The following RTEL1 variants were observed in gnomAD, a reference collection of about 807,000 sequenced individuals.
The protein encoded by RTEL1 is regulator of telomere length.
In RTEL1, 86 loss-of-function variants were observed where a neutral mutation model predicts 162.2. The observed-to-expected ratio is 0.53, with a 90% CI of 0.45 to 0.63. RTEL1 has a LOEUF of 0.63. Ranked by LOEUF, RTEL1 falls within the 30% of genes least tolerant of loss-of-function variation. The pLI is 0.00. For missense variants in RTEL1, 1,941 were observed against 1,750.2 expected (o/e 1.11, Z -1.95); for synonymous variants, 958 against 717.9 (o/e 1.33, Z -5.35).
In RTEL1 at chr20:63,695,551, C is replaced by G; in HGVS notation, c.3723C>G (p.Gly1241=). The change falls in exon 34 of 35, where the codon GGC becomes GGG. Residue 1241 remains glycine, a synonymous_variant. Transcript: ENST00000360203. ...TGAPGGPLSA[G]CVCQGCGAED... ...CTCCGGGCGGGCCCCTCTCAGCAGG[C>G]TGTGTGTGCCAGGGCTGTGGGGCAG... 6.2e-7 allele frequency: 1 copy of G among 1,612,392 alleles called. No homozygotes were observed. Among genetic ancestry groups the G allele is most frequent in the Non-Finnish European group, 8.5e-7 (1 of 1,179,888 alleles).
intron 14 of RTEL1, among the ~76,000 whole-genome samples, chr20:63,683,380 C>A (rs543134426): frequency 2.7e-4 from 41 of 152,300 alleles, no homozygotes; most frequent in African/African-American, 6.0e-4. Context: ...GGGCCAAATG[C>A]TTTGGTAAAA....
At chr20:63,686,090 G>A in intron 16 of RTEL1, 2 of 592,736 alleles carry the variant, frequency 3.4e-6, no homozygotes, top group Non-Finnish European at 6.0e-6. Context: ...ACCGTGACCT[G>A]CCCAGAGTCA....
Position 63,659,230 on chromosome 20 carries a change from C to T in RTEL1, c.-170-3C>T. On this transcript the variant is annotated splice_region_variant and splice_polypyrimidine_tract_variant and intron_variant, in intron 1 of 34. Coordinates refer to ENST00000360203, the MANE Select transcript of RTEL1 (RefSeq NM_001283009.2). ...ACAAACAGAGTCTTACTGTCTTTCC[C>T]AGGTCTGTGCCATAGGGATTCTCGA... is the stretch of plus-strand genomic sequence containing the variant. 1.6e-6 allele frequency: 1 copy of T among 626,402 alleles called. No homozygotes were observed. The highest frequency in any genetic ancestry group is 2.9e-6 in the Non-Finnish European group (1 of 341,862). 38.8% of individuals were successfully genotyped at this position (626,402 alleles called of 1,614,324 possible).
At chr20:63,688,487 C>T (rs377433741) in intron 20 of RTEL1, 41 bp from the exon 21 acceptor site, 271 of 1,605,560 alleles carry the variant, frequency 1.7e-4, no homozygotes, top group Non-Finnish European at 2.0e-4. Flanking sequence ...GGATCGGCGG[C>T]GTGACCAGGG....
chr20:63,695,708 G>A (rs2090962981), intron 34 of RTEL1, 58 bp downstream of exon 34: 26 of 1,606,604 alleles, frequency 1.6e-5, no homozygotes, highest in East Asian at 4.5e-5. Context: ...TGGGCTGAGG[G>A]GGAAAGGGCA....
chr20:63,693,413 G>C (rs1428819819), intron 30 of RTEL1, 130 bp downstream of exon 30: 2 of 1,076,854 alleles, frequency 1.9e-6, no homozygotes, highest in African/African-American at 1.6e-5. Context: ...CTATGGGAGT[G>C]ATGGGGGCCT....
intron 6 of RTEL1, among the ~76,000 whole-genome samples, chr20:63,663,525 G>A (rs1176228368): frequency 6.6e-6 from 1 of 152,246 alleles, no homozygotes; most frequent in Non-Finnish European, 1.5e-5. Flanking sequence ...AGGGCCGGGG[G>A]TGCTTCTCCA....
chr20:63,693,732 T>A (rs62217793), intron 30 of RTEL1, among the ~76,000 whole-genome samples: 172 of 1,060 alleles, frequency 0.16, 13 homozygotes, highest in Middle Eastern at 0.5. Context: ...CACCACCACC[T>A]CCACCTCCAC....
intron 10 of RTEL1, 62 bp downstream of exon 10, chr20:63,674,155 C>G: frequency 1.3e-6 from 2 of 1,541,578 alleles, no homozygotes; most frequent in Non-Finnish European, 1.8e-6. Flanking sequence ...GAGCCCCACC[C>G]GGAGTTCAGC....
At chr20:63,671,147 G>A (rs1249507667) in intron 8 of RTEL1, among the ~76,000 whole-genome samples, 3 of 152,140 alleles carry the variant, frequency 2.0e-5, no homozygotes, top group Non-Finnish European at 4.4e-5. Flanking sequence ...TGCAGCTTCC[G>A]CCTCTTGGGT....
rs6011012 is a variant in RTEL1 at position 63,668,542 on chromosome 20, G to A, written c.699+989G>A. 0.01 allele frequency among the ~76,000 whole-genome samples: 1,569 copies of A among 152,294 alleles called. 19 individuals are homozygous for A. The highest frequency in any genetic ancestry group is 0.036 in the African/African-American group (1,498 of 41,528). On this transcript the variant is annotated intron_variant, in intron 8 of 34. Coordinates refer to ENST00000360203, the MANE Select transcript of RTEL1 (RefSeq NM_001283009.2). The surrounding 1 kb of genome is among the most constrained non-coding windows in gnomAD (Gnocchi z 4.3). ...CAAGTGCGATGTCGGCGGGAGGTGG[G>A]GAATGCTGGTGGGTCTGAGGGGAGC...
chr20:63,683,613 G>A (rs1257327956), intron 14 of RTEL1, among the ~76,000 whole-genome samples: 2 of 152,182 alleles, frequency 1.3e-5, no homozygotes, highest in African/African-American at 4.8e-5. Context: ...CGGCTTCTCC[G>A]CATTTCTGTG....
At chr20:63,687,463 TCA>T (rs2090622424) in intron 16 of RTEL1, 173 bp from the exon 17 acceptor site, 1 of 730,824 alleles carries the variant, frequency 1.4e-6, no homozygotes, top group Non-Finnish European at 2.1e-6. Flanking sequence ...GCTGGCAGGC[TCA>T]CACTCAGGGC....
intron 28 of RTEL1, 21 bp downstream of exon 28, chr20:63,691,858 C>T (rs778177574): frequency 4.4e-6 from 7 of 1,592,654 alleles, no homozygotes; most frequent in Non-Finnish European, 6.0e-6. Context: ...TGTCCCTGCA[C>T]CTGTGCCGAC....
intron 8 of RTEL1, among the ~76,000 whole-genome samples, chr20:63,671,416 G>A (rs2090238971): frequency 6.6e-6 from 1 of 152,120 alleles, no homozygotes; most frequent in African/African-American, 2.4e-5. Flanking sequence ...GGCAGGGGTG[G>A]GGCTGGTGGT....
intron 31 of RTEL1, 83 bp downstream of exon 31, chr20:63,694,571 G>C: frequency 2.3e-6 from 3 of 1,316,852 alleles, no homozygotes; most frequent in Non-Finnish European, 3.2e-6. Context: ...GAGTGTGGCC[G>C]GGGCTGCCCC....
At chr20:63,681,373 A>G (rs1315230037) in intron 14 of RTEL1, 1 of 985,116 alleles carries the variant, frequency 1.0e-6, no homozygotes, top group Non-Finnish European at 1.2e-6. Context: ...CTTTTTTAGA[A>G]GCAGACTCAG....
Position 63,660,902 on chromosome 20 carries a change from G to A in RTEL1, c.103-396G>A, listed in dbSNP as rs113303667. 959 of 206,524 alleles carry A rather than the reference G, an allele frequency of 4.6e-3. 5 individuals carry two copies. Among genetic ancestry groups the A allele is most frequent in the Middle Eastern group, 6.3e-3 (3 of 480 alleles). The allele number at this position is 206,524 out of a possible 1,614,324, so 12.8% of individuals were successfully genotyped here. On this transcript the variant is annotated intron_variant, in intron 2 of 34. Coordinates refer to ENST00000360203, the MANE Select transcript of RTEL1 (RefSeq NM_001283009.2). ...CCCGGCTCACACCCTTCCCCTCCCC[G>A]AGTTTCCTGCTCAGGTTCCCGTCTG...
At chr20:63,684,699 C>T (rs181406301) in intron 14 of RTEL1, among the ~76,000 whole-genome samples, 1 of 152,280 alleles carries the variant, frequency 6.6e-6, no homozygotes, top group African/African-American at 2.4e-5. Context: ...TCTCGAACTC[C>T]TGACCTCAGG....
Sources: gnomAD v4.1 joint callset for allele counts (sites outside exome capture counted in the v4.1 genomes callset) on GRCh38, gnomAD v4.1.1 for gene constraint, Gnocchi (gnomAD v3.1) non-coding constraint, MANE v1.5 for transcripts, NCBI Gene and HGNC (gene_info 2026-07-23, HGNC 2026-07-21) for gene names.